Variants in PTPRM observed in about 807,000 individuals in gnomAD.
The protein encoded by PTPRM is receptor-type tyrosine-protein phosphatase mu.
In PTPRM, 47 loss-of-function variants were observed where a neutral mutation model predicts 186.7. That is an observed-to-expected ratio of 0.25 (90% confidence interval 0.20 to 0.32). The LOEUF is 0.32. PTPRM is among the 10% of genes least tolerant of loss of function. PTPRM has a pLI of 1.00. For missense variants in PTPRM, 1,494 were observed against 1,865.0 expected, an observed-to-expected ratio of 0.80 and a Z score of 3.66; for synonymous variants, 668 against 674.9, an observed-to-expected ratio of 0.99 and a Z score of 0.16.
chr18:7,672,312 G>A (rs1183462183), intron 1 of PTPRM, among the ~76,000 whole-genome samples: 2 of 151,588 alleles, frequency 1.3e-5, no homozygotes, highest in South Asian at 2.1e-4. Context: ...TTTTTTTCAC[G>A]GTTTAATCAA....
chr18:8,189,241 A>C (rs1460699889), intron 14 of PTPRM, among the ~76,000 whole-genome samples: 2 of 148,470 alleles, frequency 1.3e-5, no homozygotes, highest in Admixed American at 1.4e-4. Context: ...TCAGTGAGCC[A>C]TGCTGGCACC....
At chr18:7,893,693 C>T (rs1313515866) in intron 3 of PTPRM, among the ~76,000 whole-genome samples, 1 of 152,310 alleles carries the variant, frequency 6.6e-6, no homozygotes, top group East Asian at 1.9e-4. Context: ...TAAGGTAGCA[C>T]TTCCTTATTA....
At chr18:8,114,641 G>A in intron 12 of PTPRM, 150 bp from the exon 13 acceptor site, 1 of 689,830 alleles carries the variant, frequency 1.4e-6, no homozygotes, top group Non-Finnish European at 2.5e-6. Context: ...ATCTGAGTAT[G>A]GTTCAAAGAA....
chr18:8,332,147 T>C (rs2095415204), intron 22 of PTPRM, among the ~76,000 whole-genome samples: 1 of 152,240 alleles, frequency 6.6e-6, no homozygotes, highest in Non-Finnish European at 1.5e-5. Flanking sequence ...TATAAAGACA[T>C]ACTAAATAAT....
At chr18:7,912,866 A>G (rs1459272083) in intron 4 of PTPRM, among the ~76,000 whole-genome samples, 2 of 152,164 alleles carry the variant, frequency 1.3e-5, no homozygotes, top group Non-Finnish European at 2.9e-5. Flanking sequence ...TATCAATTTC[A>G]GCCAAAAAAA....
At chr18:8,253,503 G>C (rs567582043) in intron 19 of PTPRM, 89 bp downstream of exon 19, 240 of 1,194,396 alleles carry the variant, frequency 2.0e-4, no homozygotes, top group Middle Eastern at 5.3e-4. Context: ...GAAAGCCAGA[G>C]AAAACCCCCT....
chr18:8,041,629 G>T (rs1054613201), intron 7 of PTPRM, among the ~76,000 whole-genome samples: 1 of 152,184 alleles, frequency 6.6e-6, no homozygotes, highest in African/African-American at 2.4e-5. Context: ...TCCACTTGTG[G>T]TTGGGATTCA....
chr18:8,172,841 C>T lies in PTPRM; in HGVS notation c.2300+29062C>T, dbSNP rs371457077. Among the ~76,000 whole-genome samples, 27 of 152,214 alleles carry T rather than the reference C, an allele frequency of 1.8e-4. 1 individual carries two copies. The highest frequency in any genetic ancestry group is 1.5e-3 in the Admixed American group (23 of 15,280). ...ACCAGCAAACACCATGGTTTGGTCT[C>T]GAAAGGGTCCCAGATGAACTAACTC... On this transcript the variant is annotated intron_variant, in intron 14 of 32. Coordinates refer to ENST00000580170, the MANE Select transcript of PTPRM (RefSeq NM_001105244.2).
chr18:7,686,570 C>CAA (rs34267435), intron 1 of PTPRM, among the ~76,000 whole-genome samples: 2,872 of 136,274 alleles, frequency 0.021, 91 homozygotes, highest in African/African-American at 0.071. Context: ...AACGGATTGC[C>CAA]AAAAAAAAAA....
intron 2 of PTPRM, among the ~76,000 whole-genome samples, chr18:7,874,342 C>T (rs529841832): frequency 1.1e-4 from 16 of 152,136 alleles, no homozygotes; most frequent in South Asian, 1.0e-3. Flanking sequence ...GGGGAAAGAA[C>T]GAACTGGGTC....
intron 8 of PTPRM, among the ~76,000 whole-genome samples, chr18:8,072,903 T>C (rs2089575227): frequency 6.6e-6 from 1 of 152,184 alleles, no homozygotes; most frequent in Admixed American, 6.5e-5. Context: ...ATATTAATTA[T>C]TTATTCATAT....
chr18:8,114,153 A>G lies in PTPRM; in HGVS notation c.2130+394A>G, dbSNP rs186561617. 4.6e-4 allele frequency among the ~76,000 whole-genome samples: 70 copies of G among 152,328 alleles called. No homozygotes were observed. The South Asian group carries it at 7.9e-3, about 17-fold the overall frequency. On this transcript the variant is annotated intron_variant, in intron 12 of 32. Transcript: ENST00000580170. ...CAGCATAGTCTGTCCCATTAAAGAA[A>G]TGGGAACTGAAGAAGTTCCACAAGA...
chr18:8,363,118 C>G (rs956689654), intron 23 of PTPRM, among the ~76,000 whole-genome samples: 1 of 152,226 alleles, frequency 6.6e-6, no homozygotes, highest in Non-Finnish European at 1.5e-5. Flanking sequence ...CTGGACACCA[C>G]AGCCCGGAGC....
chr18:7,708,803 A>G (rs1020800717), intron 1 of PTPRM, among the ~76,000 whole-genome samples: 1 of 152,150 alleles, frequency 6.6e-6, no homozygotes, highest in African/African-American at 2.4e-5. Context: ...TGTACCTACA[A>G]TAGAAACAAT....
intron 1 of PTPRM, among the ~76,000 whole-genome samples, chr18:7,663,583 C>T (rs761724869): frequency 4.6e-5 from 7 of 152,264 alleles, no homozygotes; most frequent in Middle Eastern, 6.8e-3. Context: ...GGCAGGGTTC[C>T]GTGGGGGAAG....
chr18:7,962,737 T>G (rs906079906), intron 7 of PTPRM, among the ~76,000 whole-genome samples: 9 of 152,238 alleles, frequency 5.9e-5, no homozygotes, highest in African/African-American at 2.2e-4. Context: ...AGGAAATAAT[T>G]CTGGTTGAAA....
chr18:8,079,150 T>C lies in PTPRM; in HGVS notation c.1551+2586T>C, dbSNP rs549893523. Among the ~76,000 whole-genome samples the C allele has an allele frequency of 7.9e-5, 12 of 152,288 alleles. 1 individual carries two copies. The South Asian group carries it at 2.5e-3, about 32-fold the overall frequency. On this transcript the variant is annotated intron_variant, in intron 9 of 32. Coordinates refer to ENST00000580170, the MANE Select transcript of PTPRM (RefSeq NM_001105244.2). ...ATGGCAGTTCACAGCCTTACATCATTCTTCTGGTTTTCTTCCTTGCTTTCT... is the reference window on the plus strand; with the variant it reads ...ATGGCAGTTCACAGCCTTACATCATCCTTCTGGTTTTCTTCCTTGCTTTCT...
chr18:7,578,456 C>T (rs1003501255), intron 1 of PTPRM, among the ~76,000 whole-genome samples: 72 of 151,846 alleles, frequency 4.7e-4, no homozygotes, highest in African/African-American at 1.6e-3. Flanking sequence ...CTGCCTCAGC[C>T]TCCCGAGTAG....
chr18:7,751,990 G>A (rs2041241044), intron 1 of PTPRM, among the ~76,000 whole-genome samples: 1 of 152,214 alleles, frequency 6.6e-6, no homozygotes, highest in Non-Finnish European at 1.5e-5. Context: ...TGGTTAGGGT[G>A]GGCTGGGCTG....
Sources: allele counts gnomAD v4.1 joint callset (sites outside exome capture counted in the v4.1 genomes callset), GRCh38; gene constraint gnomAD v4.1.1; transcripts MANE v1.5; gene names NCBI Gene and HGNC (gene_info 2026-07-23, HGNC 2026-07-21).